The following KIRREL3 variants were observed in gnomAD, a reference collection of about 807,000 sequenced individuals.
The protein encoded by KIRREL3 is kirre like nephrin family adhesion molecule 3.
In KIRREL3, 36 loss-of-function variants were observed where a neutral mutation model predicts 89.7. That is an observed-to-expected ratio of 0.40 (90% confidence interval 0.31 to 0.53). The LOEUF is 0.53. Among genes scored for constraint, KIRREL3 ranks in the 20% least tolerant of loss-of-function variants. KIRREL3 has a pLI of 0.49. For missense variants in KIRREL3, 864 were observed against 1,056.6 expected (o/e 0.82, Z 2.53); for synonymous variants, 445 against 441.4 (o/e 1.01, Z -0.10).
intron 4 of KIRREL3, among the ~76,000 whole-genome samples, chr11:126,511,076 T>TGTGTGTGTG (rs1555129719): frequency 1.1e-4 from 16 of 150,010 alleles, no homozygotes; most frequent in South Asian, 2.1e-4. Flanking sequence ...TGTGTGTGTG[T>TGTGTGTGTG]TGGAGCAGAA....
intron 1 of KIRREL3, among the ~76,000 whole-genome samples, chr11:126,714,259 C>T (rs1174917444): frequency 6.6e-6 from 1 of 152,220 alleles, no homozygotes; most frequent in Non-Finnish European, 1.5e-5. Flanking sequence ...CAGAGACCTT[C>T]TGGTTGCAAA....
rs1436409280 is a variant in KIRREL3, at chr11:126,443,206, G to C, written c.1252+1773C>G. On this transcript the variant is annotated intron_variant, in intron 10 of 16. Coordinates refer to ENST00000525144, the MANE Select transcript of KIRREL3 (RefSeq NM_032531.4). The surrounding 1 kb of genome is among the most constrained non-coding windows in gnomAD (Gnocchi z 7.3). ...CCCTGGAGTGCATGAGTGAGTGTGA[G>C]GGTCCCGGGCTGGCTGGTCATAGGG... 6.6e-6 allele frequency among the ~76,000 whole-genome samples: 1 copy of C among 152,210 alleles called. No homozygotes were observed. Among genetic ancestry groups the C allele is most frequent in the Non-Finnish European group, 1.5e-5 (1 of 68,040 alleles).
chr11:126,524,185 A>C (rs906371843), intron 3 of KIRREL3, among the ~76,000 whole-genome samples: 1 of 152,290 alleles, frequency 6.6e-6, no homozygotes, highest in African/African-American at 2.4e-5. Context: ...ACTACTTACT[A>C]TGTGCCAGTC....
chr11:126,937,122 A>G (rs1948222298), intron 1 of KIRREL3: 1 of 152,150 alleles, frequency 6.6e-6, no homozygotes, highest in Non-Finnish European at 1.5e-5. Context: ...AGACAATTGA[A>G]GCCACCAAGT....
intron 1 of KIRREL3, among the ~76,000 whole-genome samples, chr11:126,959,959 C>A (rs1162863212): frequency 2.0e-5 from 3 of 152,210 alleles, no homozygotes; most frequent in African/African-American, 2.4e-5. Flanking sequence ...TTCTGTACTC[C>A]TTCTGGGTAG....
Position 126,870,399 on chromosome 11 carries a change from C to T in KIRREL3, c.55+130056G>A, listed in dbSNP as rs79155300. Among the ~76,000 whole-genome samples, 9,006 of 152,296 alleles carry T rather than the reference C, an allele frequency of 0.059. 333 individuals are homozygous for T. The highest frequency in any genetic ancestry group is 0.086 in the Middle Eastern group (25 of 292). ...GGAGGTCCCATCCAGTCAAGTGGCT[C>T]GCCACTTAGGTCTGAACCAAAGAGC... On this transcript the variant is annotated intron_variant, in intron 1 of 16. Transcript: ENST00000525144. The surrounding 1 kb of genome is among the most constrained non-coding windows in gnomAD (Gnocchi z 4.4).
intron 1 of KIRREL3, among the ~76,000 whole-genome samples, chr11:126,701,154 G>A (rs1409144561): frequency 6.6e-6 from 1 of 152,188 alleles, no homozygotes; most frequent in Admixed American, 6.5e-5. Flanking sequence ...GCAACATCAA[G>A]GTTCATTTCT....
Position 126,526,668 on chromosome 11 carries a change from G to A in KIRREL3, c.153C>T (p.Ser51=). 1.9e-6 allele frequency: 3 copies of A among 1,570,206 alleles called. No individual in the cohort carries two copies. Among genetic ancestry groups the A allele is most frequent in the Non-Finnish European group, 1.7e-6 (2 of 1,157,510 alleles). The change falls in exon 3 of 17, where the codon AGC becomes AGT. Residue 51 remains serine (S), a synonymous_variant. Transcript: ENST00000525144. This position sits in a 1 kb window ranked among gnomAD's most constrained non-coding sequence, Gnocchi z 5.7. The stretch of plus-strand genomic sequence containing the variant: ...CCACCACCTGGTCCTGGGGCTGCTG[G>A]CTGAAGGAATAGACTTGGCCTGGGA... ...RMNEGQVYSF[S]QQPQDQVVVS... is the part of the protein sequence containing the mutation.
At position 126,657,161 on chromosome 11, in the gene KIRREL3, G is replaced by A. The variant is rs1322910666; in HGVS notation, c.56-94249C>T. Among the ~76,000 whole-genome samples, 5 of 151,944 alleles carry A rather than the reference G, an allele frequency of 3.3e-5. 1 individual carries two copies. Among genetic ancestry groups the A allele is most frequent in the Admixed American group, 2.6e-4 (4 of 15,274 alleles). The stretch of plus-strand genomic sequence containing the variant: ...TTTGTTTATTCTATAAACATGACAG[G>A]CTTTTGAACTTTGTATTACCTATAT... On this transcript the variant is annotated intron_variant, in intron 1 of 16. Coordinates refer to ENST00000525144, the MANE Select transcript of KIRREL3 (RefSeq NM_032531.4).
rs796426012 is a variant in KIRREL3, at chr11:126,628,835, A to G, written c.56-65923T>C. ...CGCTCGCTCTGCCTGTGCAGGGTCC[A>G]TCCTGAGGAGAGTCTGAGCAACTGA... On this transcript the variant is annotated intron_variant, in intron 1 of 16. Transcript: ENST00000525144. This position sits in a 1 kb window ranked among gnomAD's most constrained non-coding sequence, Gnocchi z 5.2. Among the ~76,000 whole-genome samples, 12 of 152,228 alleles carry G rather than the reference A, an allele frequency of 7.9e-5. No individual in the cohort carries two copies. The highest frequency in any genetic ancestry group is 2.9e-4 in the African/African-American group (12 of 41,566).
intron 1 of KIRREL3, among the ~76,000 whole-genome samples, chr11:126,679,698 G>A (rs1379649751): frequency 6.6e-6 from 1 of 152,136 alleles, no homozygotes; most frequent in Non-Finnish European, 1.5e-5. Context: ...AAATCACGAA[G>A]TTTTTCCACA....
intron 1 of KIRREL3, among the ~76,000 whole-genome samples, chr11:126,785,823 G>A (rs1426035373): frequency 1.5e-5 from 2 of 130,916 alleles, no homozygotes; most frequent in South Asian, 2.6e-4. Context: ...GCAATGAGCC[G>A]AGATTGTGCC....
In KIRREL3 at chr11:126,906,733, A is replaced by G. The variant is rs78193732; in HGVS notation, c.55+93722T>C. Reference sequence around the variant, plus strand: ...GGCAAATTAGATCCTGAAAGTCTGCACTGCACTCGGATCCCCAGCACCTCC... The same window carrying G: ...GGCAAATTAGATCCTGAAAGTCTGCGCTGCACTCGGATCCCCAGCACCTCC... On this transcript the variant is annotated intron_variant, in intron 1 of 16. Transcript: ENST00000525144. The surrounding 1 kb of genome is among the most constrained non-coding windows in gnomAD (Gnocchi z 4.1). Among the ~76,000 whole-genome samples, 8,223 of 152,256 alleles carry G rather than the reference A, an allele frequency of 0.054. 286 individuals carry two copies. The highest frequency in any genetic ancestry group is 0.075 in the East Asian group (390 of 5,182).
In KIRREL3 at chr11:126,484,091, G is replaced by A. The variant is rs1957289378; in HGVS notation, c.434-10625C>T. ...TGCCAAATTCTCTCTCTAGTACTTAGTACAGTGCCTGGCATAGTGAGCACT... is the reference window on the plus strand; with the variant it reads ...TGCCAAATTCTCTCTCTAGTACTTAATACAGTGCCTGGCATAGTGAGCACT... On this transcript the variant is annotated intron_variant, in intron 4 of 16. Transcript: ENST00000525144. The surrounding 1 kb of genome is among the most constrained non-coding windows in gnomAD (Gnocchi z 5.2). Among the ~76,000 whole-genome samples the A allele has an allele frequency of 1.3e-5, 2 of 152,156 alleles. No homozygotes were observed. Among genetic ancestry groups the A allele is most frequent in the Non-Finnish European group, 2.9e-5 (2 of 68,028 alleles).
At chr11:126,753,318 A>G (rs571508670) in intron 1 of KIRREL3, among the ~76,000 whole-genome samples, 41 of 152,326 alleles carry the variant, frequency 2.7e-4, no homozygotes, top group Non-Finnish European at 1.6e-4. Context: ...ATCCACAGCC[A>G]GCCAGGCCTT....
rs375429423 is a variant in KIRREL3 at position 126,796,293 on chromosome 11, G to A, written c.55+204162C>T. Among the ~76,000 whole-genome samples the A allele has an allele frequency of 6.6e-6, 1 of 152,136 alleles. No homozygotes were observed. Among genetic ancestry groups the A allele is most frequent in the African/African-American group, 2.4e-5 (1 of 41,432 alleles). On this transcript the variant is annotated intron_variant, in intron 1 of 16. Transcript: ENST00000525144. The surrounding 1 kb of genome is among the most constrained non-coding windows in gnomAD (Gnocchi z 5.1). ...TGACCAGATGAAAAGAGAGGGGCTC[G>A]ATCCATGTGAGTTCCCTGGCTTGCT...
intron 1 of KIRREL3, among the ~76,000 whole-genome samples, chr11:126,695,493 G>A (rs1947058040): frequency 2.0e-5 from 3 of 150,144 alleles, no homozygotes; most frequent in Admixed American, 2.0e-4. Context: ...ATTAGTCCCT[G>A]CCACATTTCC....
rs764042137 is a variant in KIRREL3, at chr11:126,946,396, A to G, written c.55+54059T>C. ...CCTCATGCATTGGATCACCTTACTC[A>G]AACCACCTTGGCCTCAGCTTCTTCA... is the stretch of plus-strand genomic sequence containing the variant. On this transcript the variant is annotated intron_variant, in intron 1 of 16. Coordinates refer to ENST00000525144, the MANE Select transcript of KIRREL3 (RefSeq NM_032531.4). The surrounding 1 kb of genome is among the most constrained non-coding windows in gnomAD (Gnocchi z 4.1). 6.6e-6 allele frequency among the ~76,000 whole-genome samples: 1 copy of G among 152,150 alleles called. No individual in the cohort carries two copies. The highest frequency in any genetic ancestry group is 1.5e-5 in the Non-Finnish European group (1 of 68,026).
intron 2 of KIRREL3, among the ~76,000 whole-genome samples, chr11:126,545,041 A>C (rs1375347728): frequency 6.6e-6 from 1 of 152,236 alleles, no homozygotes; most frequent in Non-Finnish European, 1.5e-5. Context: ...GATCAAATGC[A>C]GTTTATCTGC....
Sources: gnomAD v4.1 joint callset for allele counts (sites outside exome capture counted in the v4.1 genomes callset) on GRCh38, gnomAD v4.1.1 for gene constraint, Gnocchi (gnomAD v3.1) non-coding constraint, MANE v1.5 for transcripts, NCBI Gene and HGNC (gene_info 2026-07-23, HGNC 2026-07-21) for gene names.